ATP13A3: variants seen among roughly 807,000 people sequenced by gnomAD.
ATP13A3 encodes the protein polyamine-transporting ATPase 13A3.
A neutral mutation model predicts 158.1 loss-of-function variants in ATP13A3; 59 were observed. The ratio of observed to expected loss-of-function variants is 0.37; its 90% confidence interval spans 0.30 to 0.46. ATP13A3 has a LOEUF of 0.46. ATP13A3 is among the 20% of genes least tolerant of loss of function. ATP13A3 has a pLI of 1.00. For synonymous variants in ATP13A3, 491 were observed against 504.3 expected, an observed-to-expected ratio of 0.97 and a Z score of 0.35; for missense variants, 1,166 against 1,525.2, an observed-to-expected ratio of 0.76 and a Z score of 3.92.
At chr3:194,410,639 T>C (rs1475602706) in intron 33 of ATP13A3, among the ~76,000 whole-genome samples, 1 of 152,136 alleles carries the variant, frequency 6.6e-6, no homozygotes, top group Non-Finnish European at 1.5e-5. Flanking sequence ...GAATTTTCTA[T>C]CATTTAATTT....
intron 11 of ATP13A3, among the ~76,000 whole-genome samples, chr3:194,449,521 T>C (rs892039061): frequency 2.6e-5 from 4 of 151,976 alleles, no homozygotes; most frequent in African/African-American, 9.7e-5. Flanking sequence ...CTACTAAGAA[T>C]GCAAAAATTA....
chr3:194,438,404 T>C (rs1717815282), intron 17 of ATP13A3, among the ~76,000 whole-genome samples: 1 of 152,238 alleles, frequency 6.6e-6, no homozygotes, highest in Non-Finnish European at 1.5e-5. Context: ...CATACATACT[T>C]TTTATTAAAT....
chr3:194,474,024 C>T (rs992733377), intron 2 of ATP13A3, among the ~76,000 whole-genome samples: 1 of 152,170 alleles, frequency 6.6e-6, no homozygotes, highest in South Asian at 2.1e-4. Flanking sequence ...AAGGCAGAGG[C>T]TACCATTAAC....
Position 194,425,542 on chromosome 3 carries a change from CA to C in ATP13A3, c.3126-14del. ...TGTATTACAAGCACTAGAACACATG[CA>C]AAAAATGTCTGCATTAGTAAACATA... On this transcript the variant is annotated splice_polypyrimidine_tract_variant and intron_variant, in intron 29 of 33. Transcript: ENST00000645319. 1 of 1,582,136 alleles carries C rather than the reference CA, an allele frequency of 6.3e-7. No individual in the cohort carries two copies. The highest frequency in any genetic ancestry group is 1.2e-5 in the South Asian group (1 of 85,228).
intron 31 of ATP13A3, among the ~76,000 whole-genome samples, chr3:194,417,723 G>A (rs1483493203): frequency 6.6e-6 from 1 of 152,098 alleles, no homozygotes; most frequent in African/African-American, 2.4e-5. Flanking sequence ...AGGATCACTT[G>A]AGCCCAGGAG....
At position 194,459,914 on chromosome 3, in the gene ATP13A3, G is replaced by T; in HGVS notation, c.283C>A (p.Pro95Thr). Residue 95 changes from proline to threonine, a missense_variant, in exon 5 of 34, where the codon CCA (proline) becomes ACA (threonine). Physicochemically the swap from Pro to Thr is conservative, Grantham distance 38. This residue lies in a region of ATP13A3 where 104 missense variants were observed against 91.7 expected (regional missense o/e 1.13). Transcript: ENST00000645319. Reference protein sequence around the residue: ...KIRVLSLETYPVSSPKSMSNK... With the variant: ...KIRVLSLETYTVSSPKSMSNK... Reference sequence around the variant, plus strand: ...GACATAGATTTTGGACTTGAAACTGGGTAAGTTTCCAAAGAAAGAACGCGA... The same window carrying T: ...GACATAGATTTTGGACTTGAAACTGTGTAAGTTTCCAAAGAAAGAACGCGA... 1 of 1,612,706 alleles carries T rather than the reference G, an allele frequency of 6.2e-7. No individual in the cohort carries two copies. The highest frequency in any genetic ancestry group is 8.5e-7 in the Non-Finnish European group (1 of 1,179,228).
At chr3:194,475,440 T>C (rs1720483888) in intron 2 of ATP13A3, among the ~76,000 whole-genome samples, 2 of 152,222 alleles carry the variant, frequency 1.3e-5, no homozygotes. Flanking sequence ...AATGTATAAA[T>C]GTAACTCATA....
intron 7 of ATP13A3, among the ~76,000 whole-genome samples, chr3:194,456,385 T>C (rs1719229740): frequency 6.6e-6 from 1 of 152,110 alleles, no homozygotes. Flanking sequence ...ACATTCGACT[T>C]TAAAAGAAAA....
In ATP13A3 at chr3:194,462,126, G is replaced by A. The variant is rs1354513281; in HGVS notation, c.51+14C>T. On this transcript the variant is annotated intron_variant, in intron 3 of 33. Transcript: ENST00000645319. ...GTCTTCACACATCACCAGTAAATTA[G>A]AACAGCTGGTTACCATTTCATCTTC... 1 of 1,612,074 alleles carries A rather than the reference G, an allele frequency of 6.2e-7. No individual in the cohort carries two copies. The highest frequency in any genetic ancestry group is 1.1e-5 in the South Asian group (1 of 90,994).
intron 2 of ATP13A3, among the ~76,000 whole-genome samples, chr3:194,473,980 T>C (rs979946229): frequency 2.0e-5 from 3 of 152,144 alleles, no homozygotes; most frequent in African/African-American, 7.2e-5. Flanking sequence ...AGGTGTAAGA[T>C]ACACACCAAA....
intron 9 of ATP13A3, among the ~76,000 whole-genome samples, 181 bp downstream of exon 9, chr3:194,454,077 A>G (rs1270623368): frequency 6.6e-6 from 1 of 152,210 alleles, no homozygotes; most frequent in Non-Finnish European, 1.5e-5. Context: ...AGCACCTGCT[A>G]TCCCCAACCT....
chr3:194,492,460 CTTT>C (rs35373585), intron 2 of ATP13A3, among the ~76,000 whole-genome samples: 4 of 141,024 alleles, frequency 2.8e-5, no homozygotes, highest in Admixed American at 7.1e-5. Flanking sequence ...CTCCTGTGTA[CTTT>C]TTTTTTTTTT....
At position 194,450,290 on chromosome 3, in the gene ATP13A3, A is replaced by C; in HGVS notation, c.839-14T>G. On this transcript the variant is annotated splice_polypyrimidine_tract_variant and intron_variant, in intron 10 of 33. Coordinates refer to ENST00000645319, the MANE Select transcript of ATP13A3 (RefSeq NM_001367549.1). ...TTTCTTCTATTTCTGAAATTAAAGA[A>C]AGAAAGAAAAATCTGAAAAAGATAT... The C allele has an allele frequency of 5.0e-6, 8 of 1,605,080 alleles. No homozygotes were observed. The highest frequency in any genetic ancestry group is 6.8e-6 in the Non-Finnish European group (8 of 1,173,184).
At chr3:194,428,084 G>C (rs563956987) in intron 28 of ATP13A3, among the ~76,000 whole-genome samples, 1 of 152,142 alleles carries the variant, frequency 6.6e-6, no homozygotes, top group East Asian at 1.9e-4. Flanking sequence ...AGCAGGGCAT[G>C]ATGGTGCACA....
chr3:194,449,689 C>CA (rs1475584881), intron 11 of ATP13A3, among the ~76,000 whole-genome samples: 3,832 of 131,650 alleles, frequency 0.029, 160 homozygotes, highest in African/African-American at 0.1. Flanking sequence ...AACAAACAAA[C>CA]AAAAAAAAAA....
intron 6 of ATP13A3, 48 bp from the exon 7 acceptor site, chr3:194,457,222 A>G (rs780555720): frequency 2.8e-6 from 4 of 1,452,398 alleles, no homozygotes; most frequent in Non-Finnish European, 3.8e-6. Context: ...AAAATATCCA[A>G]ATTTCTTAAC....
At position 194,437,254 on chromosome 3, in the gene ATP13A3, C is replaced by T. The variant is rs777905683; in HGVS notation, c.2000-39G>A. On this transcript the variant is annotated intron_variant, in intron 19 of 33. Coordinates refer to ENST00000645319, the MANE Select transcript of ATP13A3 (RefSeq NM_001367549.1). ...AGAGTAAATTTCATTGTTAGAGTTGCTAATACAAGTTTACTCAAATACCAG... is the reference window on the plus strand; with the variant it reads ...AGAGTAAATTTCATTGTTAGAGTTGTTAATACAAGTTTACTCAAATACCAG... The T allele has an allele frequency of 8.1e-6, 13 of 1,613,696 alleles. 1 individual carries two copies. In the South Asian group the frequency reaches 1.3e-4, roughly 16 times the overall value.
chr3:194,435,847 T>C lies in ATP13A3; in HGVS notation c.2120+1248A>G, dbSNP rs145141375. Reference sequence around the variant, plus strand: ...GCTTGAACCCGGGAGGCGGGGGCTATGGTGAACTGACATCGTGCCACTGCA... The same window carrying C: ...GCTTGAACCCGGGAGGCGGGGGCTACGGTGAACTGACATCGTGCCACTGCA... On this transcript the variant is annotated intron_variant, in intron 20 of 33. Transcript: ENST00000645319. 3.7e-4 allele frequency among the ~76,000 whole-genome samples: 56 copies of C among 152,128 alleles called. No homozygotes were observed. The East Asian group carries it at 9.7e-3, about 26-fold the overall frequency.
chr3:194,427,011 C>T (rs1225168881), intron 29 of ATP13A3, 64 bp downstream of exon 29: 1 of 1,522,198 alleles, frequency 6.6e-7, no homozygotes, highest in African/African-American at 1.4e-5. Flanking sequence ...CTTCTAAACT[C>T]ATTTTTATAT....
Sources: gnomAD v4.1 joint callset for allele counts (sites outside exome capture counted in the v4.1 genomes callset) on GRCh38, gnomAD v4.1.1 for gene constraint, gnomAD v4.1.1 regional missense constraint, MANE v1.5 for transcripts, NCBI Gene and HGNC (gene_info 2026-07-23, HGNC 2026-07-21) for gene names.